Variants in PPM1H observed in about 807,000 individuals in gnomAD.
PPM1H encodes protein phosphatase, Mg2+/Mn2+ dependent 1H, also known as protein phosphatase 1H.
PPM1H carries 27 observed loss-of-function variants against 54.9 expected under a neutral mutation model. The observed-to-expected ratio is 0.49, with a 90% confidence interval of 0.36 to 0.68. The LOEUF is 0.68. PPM1H is among the 30% of genes least tolerant of loss of function. The probability of loss-of-function intolerance (pLI) is 0.00; values close to 1 mark genes in which losing one functional copy is unlikely to be tolerated. For missense variants in PPM1H, 596 were observed against 667.8 expected (o/e 0.89, Z 1.19); for synonymous variants, 305 against 270.8 (o/e 1.13, Z -1.24).
chr12:62,713,023 G>C lies in PPM1H; in HGVS notation c.1073+7148C>G, dbSNP rs141656226. Reference sequence around the variant, plus strand: ...CAGCCTGCTTGAATGCACTGTCAGAGGGCATTGAAGAGAGCAATAAAGAAT... The same window carrying C: ...CAGCCTGCTTGAATGCACTGTCAGACGGCATTGAAGAGAGCAATAAAGAAT... On this transcript the variant is annotated intron_variant, in intron 6 of 9. Coordinates refer to ENST00000228705, the MANE Select transcript of PPM1H (RefSeq NM_020700.2). 1.1e-4 allele frequency among the ~76,000 whole-genome samples: 16 copies of C among 152,318 alleles called. No homozygotes were observed. The East Asian group carries it at 3.1e-3, about 29-fold the overall frequency.
intron 1 of PPM1H, among the ~76,000 whole-genome samples, chr12:62,924,066 A>G (rs1367253932): frequency 1.3e-5 from 2 of 152,238 alleles, no homozygotes; most frequent in Non-Finnish European, 2.9e-5. Context: ...GATTATGTCC[A>G]CACTTGACAA....
At chr12:62,851,199 A>G (rs1465522241) in intron 1 of PPM1H, among the ~76,000 whole-genome samples, 2 of 152,160 alleles carry the variant, frequency 1.3e-5, no homozygotes, top group Non-Finnish European at 2.9e-5. Flanking sequence ...GAGACAGTAA[A>G]AGTGTAAGGT....
intron 1 of PPM1H, among the ~76,000 whole-genome samples, chr12:62,923,821 G>C (rs1565830653): frequency 6.6e-6 from 1 of 152,204 alleles, no homozygotes; most frequent in Non-Finnish European, 1.5e-5. Flanking sequence ...CTTGGTTCCT[G>C]GCCCAACCCC....
intron 8 of PPM1H, among the ~76,000 whole-genome samples, chr12:62,675,219 A>C (rs1301613221): frequency 1.3e-5 from 2 of 152,224 alleles, no homozygotes; most frequent in Non-Finnish European, 2.9e-5. Context: ...ATACGATATA[A>C]CAGATCAAAA....
intron 2 of PPM1H, among the ~76,000 whole-genome samples, chr12:62,825,284 G>C (rs1409700231): frequency 6.6e-6 from 1 of 152,166 alleles, no homozygotes; most frequent in Non-Finnish European, 1.5e-5. Context: ...TTACACTGTT[G>C]GGAGTGTAAA....
At chr12:62,719,879 T>C (rs1045614264) in intron 6 of PPM1H, among the ~76,000 whole-genome samples, 48 of 152,212 alleles carry the variant, frequency 3.2e-4, no homozygotes, top group Non-Finnish European at 1.0e-4. Context: ...TAAAGCTTCA[T>C]GTGTTTTTAA....
At chr12:62,880,098 A>G (rs1284154566) in intron 1 of PPM1H, among the ~76,000 whole-genome samples, 14 of 152,230 alleles carry the variant, frequency 9.2e-5, no homozygotes, top group Non-Finnish European at 1.6e-4. Flanking sequence ...ATGCTCATTG[A>G]AAGGAGAGAG....
At chr12:62,734,652 A>T (rs1251708464) in intron 5 of PPM1H, among the ~76,000 whole-genome samples, 1 of 152,254 alleles carries the variant, frequency 6.6e-6, no homozygotes, top group African/African-American at 2.4e-5. Flanking sequence ...TGAAAAGATG[A>T]AATCATTTTA....
chr12:62,798,740 C>G (rs879508060), intron 3 of PPM1H, among the ~76,000 whole-genome samples: 2 of 152,164 alleles, frequency 1.3e-5, no homozygotes, highest in Admixed American at 1.3e-4. Context: ...ATCTTCCCAC[C>G]ACAGCAATGG....
rs567775927 is a variant in PPM1H, at chr12:62,673,715, C to CTTTTTTTTTTTT, written c.1246-6398_1246-6387dup. ...GCTTTGTGACTTGAGAAGAGCCACT[C>CTTTTTTTTTTTT]TTTTTTTTTTTTTTTTTTTTTTTTT... On this transcript the variant is annotated intron_variant, in intron 8 of 9. Transcript: ENST00000228705. 3.1e-3 allele frequency among the ~76,000 whole-genome samples: 130 copies of CTTTTTTTTTTTT among 41,958 alleles called. 31 individuals are homozygous for CTTTTTTTTTTTT. The highest frequency in any genetic ancestry group is 5.4e-3 in the East Asian group (8 of 1,486). The allele number at this position is 41,958 out of a possible 152,430, so 27.5% of individuals were successfully genotyped here.
At chr12:62,866,086 GGAGGGGT>G (rs1869764538) in intron 1 of PPM1H, among the ~76,000 whole-genome samples, 1 of 152,206 alleles carries the variant, frequency 6.6e-6, no homozygotes, top group South Asian at 2.1e-4. Flanking sequence ...GTCAGATGTG[GGAGGGGT>G]GTCATTGGAG....
chr12:62,834,249 A>G (rs17098378), intron 1 of PPM1H, among the ~76,000 whole-genome samples: 9,706 of 151,946 alleles, frequency 0.064, 392 homozygotes, highest in African/African-American at 0.12. Flanking sequence ...TTCAATGTCT[A>G]TTTTCTTGTC....
At position 62,788,300 on chromosome 12, in the gene PPM1H, T is replaced by C; in HGVS notation, c.795A>G (p.Ile265Met). The C allele has an allele frequency of 1.3e-6, 2 of 1,590,886 alleles. No homozygotes were observed. The highest frequency in any genetic ancestry group is 1.7e-6 in the Non-Finnish European group (2 of 1,167,678). ...CAATGAGGGCCGTGCAGCCACCAGA[T>C]ATATTATATGAACTCCTCTCTCGTT... ...QIERERSSYN[I>M]SGGCTALIVI... The change falls in exon 4 of 10, where the codon ATA (isoleucine) becomes ATG (methionine). Residue 265 changes from isoleucine (I) to methionine (M), a missense_variant. Around this residue, in one of 3 missense-constraint regions of PPM1H, gnomAD observed 382 missense variants for 387.1 expected, o/e 0.99. Coordinates refer to ENST00000228705, the MANE Select transcript of PPM1H (RefSeq NM_020700.2).
At chr12:62,809,950 C>T (rs183022153) in intron 2 of PPM1H, among the ~76,000 whole-genome samples, 1 of 152,130 alleles carries the variant, frequency 6.6e-6, no homozygotes, top group African/African-American at 2.4e-5. Context: ...TTGGTGGAAG[C>T]GTGACCTATT....
rs1337759925 is a variant in PPM1H, at chr12:62,801,866, G to A, written c.706C>T (p.Pro236Ser). ...GCTCCGATGACCAGGCACTCATGGG[G>A]AATCTTCTTCTCGGTAAAGAAGCGT... ...PTRFFTEKKIPHECLVIGALE... is the reference protein window; with the variant it reads ...PTRFFTEKKISHECLVIGALE... Residue 236 changes from proline (P) to serine (S), a missense_variant, in exon 3 of 10, where the codon CCC (proline) becomes TCC (serine). Pro to Ser is a moderately conservative substitution (Grantham distance 74, BLOSUM62 -1). Around this residue, in one of 3 missense-constraint regions of PPM1H, gnomAD observed 382 missense variants for 387.1 expected, o/e 0.99. Coordinates refer to ENST00000228705, the MANE Select transcript of PPM1H (RefSeq NM_020700.2). The A allele has an allele frequency of 6.2e-7, 1 of 1,613,928 alleles. No homozygotes were observed. Among genetic ancestry groups the A allele is most frequent in the Admixed American group, 1.7e-5 (1 of 60,032 alleles).
intron 9 of PPM1H, among the ~76,000 whole-genome samples, chr12:62,661,060 C>A (rs1299961897): frequency 6.6e-6 from 1 of 152,144 alleles, no homozygotes; most frequent in African/African-American, 2.4e-5. Flanking sequence ...ACCCCTCACA[C>A]CTCATCTGTT....
chr12:62,655,827 A>T (rs1316797006), intron 9 of PPM1H, among the ~76,000 whole-genome samples: 1 of 152,204 alleles, frequency 6.6e-6, no homozygotes, highest in Non-Finnish European at 1.5e-5. Context: ...CTCCTAATGA[A>T]GAGTCTCCCC....
intron 1 of PPM1H, among the ~76,000 whole-genome samples, chr12:62,897,466 T>C (rs1284901792): frequency 6.6e-6 from 1 of 152,176 alleles, no homozygotes. Context: ...CTTAATGATT[T>C]TGGTGAACAG....
At chr12:62,821,247 A>G (rs150813515) in intron 2 of PPM1H, among the ~76,000 whole-genome samples, 2,067 of 152,322 alleles carry the variant, frequency 0.014, 42 homozygotes, top group East Asian at 0.051. Flanking sequence ...AAATGAACAA[A>G]GCCTCCAAGA....
Sources: gnomAD v4.1 joint callset for allele counts (sites outside exome capture counted in the v4.1 genomes callset) on GRCh38, gnomAD v4.1.1 for gene constraint, gnomAD v4.1.1 regional missense constraint, MANE v1.5 for transcripts, NCBI Gene and HGNC (gene_info 2026-07-23, HGNC 2026-07-21) for gene names.